TRAK1: variants seen among roughly 807,000 people sequenced by gnomAD.
The protein encoded by TRAK1 is trafficking kinesin protein 1, also known as trafficking kinesin-binding protein 1.
In TRAK1, 33 loss-of-function variants were observed where a neutral mutation model predicts 92.1. The ratio of observed to expected loss-of-function variants is 0.36; its 90% CI spans 0.27 to 0.48. The LOEUF (loss-of-function observed/expected upper bound fraction) is 0.48, where lower values mean the gene tolerates loss of function less well. Among genes scored for constraint, TRAK1 ranks in the 20% least tolerant of loss-of-function variants. TRAK1 has a pLI of 0.99. For synonymous variants in TRAK1, 521 were observed against 517.3 expected, an observed-to-expected ratio of 1.01 and a Z score of -0.10; for missense variants, 1,123 against 1,257.9, an observed-to-expected ratio of 0.89 and a Z score of 1.62.
At position 42,125,500 on chromosome 3, in the gene TRAK1, G is replaced by A; in HGVS notation, c.172G>A (p.Ala58Thr). ...GCAGCTGCCCCATTATAAGTTAAGAGCCGACACCATCTACGGTTATGACCA... is the reference window on the plus strand; with the variant it reads ...GCAGCTGCCCCATTATAAGTTAAGAACCGACACCATCTACGGTTATGACCA... Reference protein sequence around the residue: ...EEQLPHYKLRADTIYGYDHDD... With the variant: ...EEQLPHYKLRTDTIYGYDHDD... Residue 58 changes from alanine to threonine, a missense_variant, in exon 2 of 16, where the codon GCC becomes ACC. Ala to Thr is a moderately conservative substitution (Grantham distance 58). Around this residue, in one of 3 missense-constraint regions of TRAK1, gnomAD observed 686 missense variants for 747.6 expected, o/e 0.92. Coordinates refer to ENST00000327628, the MANE Select transcript of TRAK1 (RefSeq NM_001042646.3). The A allele has an allele frequency of 6.2e-7, 1 of 1,614,188 alleles. No homozygotes were observed. The highest frequency in any genetic ancestry group is 8.5e-7 in the Non-Finnish European group (1 of 1,180,028).
rs114403065 is a variant in TRAK1, at chr3:42,081,422, A to T, written c.-518-5682A>T. On this transcript the variant is annotated intron_variant, in intron 1 of 16. Coordinates refer to the TRAK1 transcript ENST00000487159. The stretch of plus-strand genomic sequence containing the variant: ...AAAGCTTCAGGGGATCCTCAGAGTC[A>T]TTTGCACCAAACCCCTTCTTTCATT... Among the ~76,000 whole-genome samples, 665 of 152,334 alleles carry T rather than the reference A, an allele frequency of 4.4e-3. 6 individuals are homozygous for T. Among genetic ancestry groups the T allele is most frequent in the Middle Eastern group, 0.02 (6 of 294 alleles).
chr3:42,139,422 T>A (rs563933456), intron 2 of TRAK1, among the ~76,000 whole-genome samples: 1 of 152,294 alleles, frequency 6.6e-6, no homozygotes, highest in Admixed American at 6.5e-5. Flanking sequence ...TCATGATGCC[T>A]CCACCCAGGT....
intron 1 of TRAK1, among the ~76,000 whole-genome samples, chr3:42,061,547 A>C (rs1046300735): frequency 2.0e-5 from 3 of 152,090 alleles, no homozygotes; most frequent in Non-Finnish European, 2.9e-5. Flanking sequence ...AGAGCTCTGA[A>C]TATCATGTGA....
At chr3:42,165,138 G>A (rs542574563) in intron 2 of TRAK1, among the ~76,000 whole-genome samples, 2 of 152,340 alleles carry the variant, frequency 1.3e-5, no homozygotes, top group East Asian at 3.9e-4. Flanking sequence ...GGATAGAGAT[G>A]CACAATGGTC....
intron 1 of TRAK1, among the ~76,000 whole-genome samples, chr3:42,107,714 TTGCC>T (rs1429046546): frequency 2.0e-5 from 3 of 152,092 alleles, no homozygotes; most frequent in Admixed American, 6.6e-5. Context: ...GTTAACCTCT[TTGCC>T]TGTACAGATA....
chr3:42,084,866 G>A (rs1244782259), upstream of TRAK1, among the ~76,000 whole-genome samples: 1 of 150,690 alleles, frequency 6.6e-6, no homozygotes, highest in African/African-American at 2.4e-5. Flanking sequence ...AATTCCTAAA[G>A]GTTCCAAGCT....
intron 14 of TRAK1, chr3:42,211,511 G>A (rs1285951292): frequency 2.0e-6 from 2 of 985,336 alleles, no homozygotes; most frequent in Non-Finnish European, 2.4e-6. Context: ...CCGTCAGGAA[G>A]GCAGGTGGTG....
In TRAK1 at chr3:42,079,605, G is replaced by A. The variant is rs561842844; in HGVS notation, c.-518-7499G>A. Among the ~76,000 whole-genome samples, 24 of 150,348 alleles carry A rather than the reference G, an allele frequency of 1.6e-4. No homozygotes were observed. In the South Asian group the frequency reaches 3.6e-3, roughly 23 times the overall value. ...AGCAATTCTCCTGCCTCAACCTCCC[G>A]AGTAGCTGGGACTACAGGCGCTCAC... is the stretch of plus-strand genomic sequence containing the variant. On this transcript the variant is annotated intron_variant, in intron 1 of 16. Coordinates refer to the TRAK1 transcript ENST00000487159.
intron 1 of TRAK1, among the ~76,000 whole-genome samples, chr3:42,124,159 C>T (rs1042195523): frequency 6.6e-6 from 1 of 151,780 alleles, no homozygotes; most frequent in Admixed American, 6.6e-5. Flanking sequence ...AAAGAATCAA[C>T]CTCAGTAATA....
At chr3:42,172,558 C>T (rs1427959599) in intron 2 of TRAK1, among the ~76,000 whole-genome samples, 1 of 152,192 alleles carries the variant, frequency 6.6e-6, no homozygotes, top group Non-Finnish European at 1.5e-5. Flanking sequence ...AAATATAAAC[C>T]TTATTGCATA....
Position 42,223,823 on chromosome 3 carries a change from T to G in TRAK1, c.*86T>G. 4.2e-6 allele frequency: 6 copies of G among 1,413,010 alleles called. No homozygotes were observed. The highest frequency in any genetic ancestry group is 1.3e-5 in the South Asian group (1 of 75,178). 87.5% of individuals were successfully genotyped at this position (1,413,010 alleles called of 1,614,324 possible). On this transcript the variant is annotated 3_prime_UTR_variant, in exon 16 of 16. Transcript: ENST00000327628. This position sits in a 1 kb window ranked among gnomAD's most constrained non-coding sequence, Gnocchi z 6.1. ...TCCCTCTCTTCCCCCCACAGTGCAC[T>G]CCCTCCCTCTGCCCTTCTCTGTCCA... is the stretch of plus-strand genomic sequence containing the variant.
intron 2 of TRAK1, among the ~76,000 whole-genome samples, chr3:42,165,833 C>G (rs1701792646): frequency 6.6e-6 from 1 of 152,194 alleles, no homozygotes; most frequent in Admixed American, 6.5e-5. Flanking sequence ...CATGGCTACC[C>G]CACGCAGGCC....
intron 2 of TRAK1, among the ~76,000 whole-genome samples, chr3:42,129,804 C>G (rs1559806617): frequency 6.6e-6 from 1 of 152,008 alleles, no homozygotes; most frequent in East Asian, 1.9e-4. Flanking sequence ...CAAGGTGAGT[C>G]AGACCTAGTT....
At chr3:42,036,155 G>A (rs535315646) in intron 1 of TRAK1, among the ~76,000 whole-genome samples, 1 of 152,180 alleles carries the variant, frequency 6.6e-6, no homozygotes, top group Non-Finnish European at 1.5e-5. Context: ...GGCTGACCTG[G>A]CATCTGGCAC....
chr3:42,089,082 G>C (rs1408373185), upstream of TRAK1, among the ~76,000 whole-genome samples: 2 of 152,128 alleles, frequency 1.3e-5, no homozygotes, highest in Non-Finnish European at 2.9e-5. Context: ...CCAAAAATGA[G>C]CTCCTGGTTT....
At chr3:42,183,009 A>T (rs1166621188) in intron 3 of TRAK1, among the ~76,000 whole-genome samples, 3 of 152,236 alleles carry the variant, frequency 2.0e-5, no homozygotes, top group East Asian at 3.9e-4. Flanking sequence ...ACAGTAGGAT[A>T]GTTCACCTGG....
chr3:42,085,082 A>AT (rs1461593480), upstream of TRAK1, among the ~76,000 whole-genome samples: 3 of 152,206 alleles, frequency 2.0e-5, no homozygotes, highest in African/African-American at 7.2e-5. Flanking sequence ...GGAAATGCTC[A>AT]TTGGAGCATT....
chr3:42,023,151 G>C (rs1316941349), intron 1 of TRAK1, among the ~76,000 whole-genome samples: 137 of 55,808 alleles, frequency 2.5e-3, no homozygotes, highest in African/African-American at 1.0e-2. Context: ...GAGCGAGACT[G>C]CATCTCAAAA....
chr3:42,050,136 C>G (rs1291814741), intron 1 of TRAK1, among the ~76,000 whole-genome samples: 1 of 148,380 alleles, frequency 6.7e-6, no homozygotes, highest in African/African-American at 2.5e-5. Flanking sequence ...CAGTCCCCTG[C>G]TTGGCTGATG....
Sources: gnomAD v4.1 joint callset for allele counts (sites outside exome capture counted in the v4.1 genomes callset) on GRCh38, gnomAD v4.1.1 for gene constraint, gnomAD v4.1.1 regional missense constraint, Gnocchi (gnomAD v3.1) non-coding constraint, MANE v1.5 for transcripts, NCBI Gene and HGNC (gene_info 2026-07-23, HGNC 2026-07-21) for gene names.